Variants in HDAC9 observed in about 807,000 individuals in gnomAD.
HDAC9 encodes the protein MEF-2 interacting transcription repressor (MITR) protein.
Under a neutral mutation model 139.4 loss-of-function variants are expected in HDAC9, and 41 were observed. That is an observed-to-expected ratio of 0.29 (90% CI 0.23 to 0.38). The LOEUF is 0.38. Ranked by LOEUF, HDAC9 falls within the 10% of genes least tolerant of loss-of-function variation. The probability of loss-of-function intolerance (pLI) is 1.00; values close to 1 mark genes in which losing one functional copy is unlikely to be tolerated. For synonymous variants in HDAC9, 517 were observed against 476.2 expected, an observed-to-expected ratio of 1.09 and a Z score of -1.12; for missense variants, 1,147 against 1,297.0, an observed-to-expected ratio of 0.88 and a Z score of 1.78.
intron 2 of HDAC9, among the ~76,000 whole-genome samples, chr7:18,250,907 A>G (rs1028000955): frequency 1.3e-5 from 2 of 152,052 alleles, no homozygotes; most frequent in African/African-American, 4.8e-5. Context: ...TTTGTTGGGC[A>G]CATGTATGTC....
At chr7:18,545,501 G>A (rs982441434) in intron 2 of HDAC9, among the ~76,000 whole-genome samples, 11 of 152,128 alleles carry the variant, frequency 7.2e-5, no homozygotes, top group South Asian at 4.1e-4. Flanking sequence ...TCAATTATTA[G>A]GTATATCTTT....
intron 1 of HDAC9, among the ~76,000 whole-genome samples, chr7:18,479,482 T>G (rs916412576): frequency 1.3e-5 from 2 of 152,200 alleles, no homozygotes; most frequent in Non-Finnish European, 2.9e-5. Flanking sequence ...GTCTATTCTG[T>G]TCTCTTACCT....
At chr7:18,449,086 G>A (rs1291679591) in intron 1 of HDAC9, among the ~76,000 whole-genome samples, 3 of 152,032 alleles carry the variant, frequency 2.0e-5, no homozygotes, top group Admixed American at 6.6e-5. Flanking sequence ...AAGTCTGAAC[G>A]TATGTATACC....
intron 8 of HDAC9, among the ~76,000 whole-genome samples, chr7:18,640,583 T>C (rs1473194533): frequency 2.0e-5 from 3 of 151,864 alleles, no homozygotes; most frequent in Non-Finnish European, 4.4e-5. Flanking sequence ...TCATTTTCCT[T>C]GCTCCTGGAG....
At chr7:18,563,728 C>G (rs537925374) in intron 2 of HDAC9, among the ~76,000 whole-genome samples, 93 of 151,976 alleles carry the variant, frequency 6.1e-4, no homozygotes, top group South Asian at 4.6e-3. Context: ...CCACCCAACC[C>G]CCCCCATGAA....
chr7:18,595,294 T>A (rs1832152629), intron 6 of HDAC9, among the ~76,000 whole-genome samples: 1 of 152,038 alleles, frequency 6.6e-6, no homozygotes, highest in East Asian at 1.9e-4. Flanking sequence ...AAGGCAAGGA[T>A]AATTGAGTTT....
upstream of HDAC9, among the ~76,000 whole-genome samples, chr7:18,287,994 A>G (rs1797565667): frequency 6.6e-6 from 1 of 152,354 alleles, no homozygotes; most frequent in South Asian, 2.1e-4. Flanking sequence ...ACATATAAAA[A>G]TTGCTTTAAT....
intron 2 of HDAC9, among the ~76,000 whole-genome samples, chr7:18,574,973 G>A (rs1210612858): frequency 6.6e-6 from 1 of 152,220 alleles, no homozygotes; most frequent in African/African-American, 2.4e-5. Flanking sequence ...TCGAAAGCGG[G>A]TGAGGCTCCC....
chr7:18,190,020 A>G (rs930896087), intron 2 of HDAC9, among the ~76,000 whole-genome samples: 2 of 151,318 alleles, frequency 1.3e-5, no homozygotes, highest in Non-Finnish European at 2.9e-5. Flanking sequence ...GCTCACTGCA[A>G]CCTCTGCCTC....
At chr7:18,118,223 A>G (rs906915646) in intron 1 of HDAC9, among the ~76,000 whole-genome samples, 22 of 152,202 alleles carry the variant, frequency 1.4e-4, no homozygotes, top group African/African-American at 5.3e-4. Flanking sequence ...TCTCTATGAC[A>G]TCTTGCTTTC....
chr7:18,657,263 C>T (rs896149714), intron 11 of HDAC9, among the ~76,000 whole-genome samples: 6 of 151,982 alleles, frequency 3.9e-5, no homozygotes, highest in Non-Finnish European at 7.4e-5. Flanking sequence ...CTTTGTTGGT[C>T]ACTGTGTTTA....
upstream of HDAC9, among the ~76,000 whole-genome samples, chr7:18,285,898 A>G (rs75031232): frequency 6.6e-6 from 1 of 152,232 alleles, no homozygotes; most frequent in East Asian, 1.9e-4. Flanking sequence ...AAGAGACTAA[A>G]TTTGGGATGC....
At chr7:18,188,757 A>T (rs1403227355) in intron 2 of HDAC9, among the ~76,000 whole-genome samples, 1 of 152,196 alleles carries the variant, frequency 6.6e-6, no homozygotes, top group Non-Finnish European at 1.5e-5. Flanking sequence ...AACATCACTG[A>T]TCATCAGAGA....
At chr7:18,713,040 G>A (rs73315435) in intron 12 of HDAC9, among the ~76,000 whole-genome samples, 6,319 of 152,132 alleles carry the variant, frequency 0.042, 382 homozygotes, top group African/African-American at 0.14. Context: ...TCTTTGTTCC[G>A]TTTGATGAGC....
upstream of HDAC9, chr7:18,495,641 G>C (rs1397839024): frequency 4.4e-6 from 3 of 688,040 alleles, no homozygotes; most frequent in South Asian, 1.3e-4. Flanking sequence ...GGCTCAGGCC[G>C]ACCATTGTTC....
intron 17 of HDAC9, chr7:18,808,290 A>G (rs763921601): frequency 2.6e-5 from 4 of 152,146 alleles, no homozygotes; most frequent in Non-Finnish European, 5.9e-5. Context: ...CAATCTTTCT[A>G]TTGCTATCCA....
At chr7:18,738,883 A>G (rs990716717) in intron 13 of HDAC9, among the ~76,000 whole-genome samples, 1 of 152,120 alleles carries the variant, frequency 6.6e-6, no homozygotes, top group African/African-American at 2.4e-5. Flanking sequence ...TCTCCTCATC[A>G]CTTTCAGGTA....
At chr7:18,861,468 G>C (rs758226517) in intron 21 of HDAC9, among the ~76,000 whole-genome samples, 3 of 152,106 alleles carry the variant, frequency 2.0e-5, no homozygotes, top group Non-Finnish European at 4.4e-5. Context: ...CCCTATGCTT[G>C]CGTATAGGAT....
At chr7:18,995,327 A>T (rs1219306394) in intron 25 of HDAC9, among the ~76,000 whole-genome samples, 1 of 152,246 alleles carries the variant, frequency 6.6e-6, no homozygotes, top group African/African-American at 2.4e-5. Context: ...TTTTGAGTAA[A>T]TTAAAAGTCA....
Sources: allele counts gnomAD v4.1 joint callset (sites outside exome capture counted in the v4.1 genomes callset), GRCh38; gene constraint gnomAD v4.1.1; transcripts MANE v1.5; gene names NCBI Gene and HGNC (gene_info 2026-07-23, HGNC 2026-07-21).